APBA2: variants seen among roughly 807,000 people sequenced by gnomAD.
APBA2 encodes the protein amyloid beta precursor protein binding family A member 2.
Under a neutral mutation model 75.0 loss-of-function variants are expected in APBA2, and 30 were observed. The ratio of observed to expected loss-of-function variants is 0.40; its 90% CI spans 0.30 to 0.54. The LOEUF (loss-of-function observed/expected upper bound fraction) is 0.54. Ranked by LOEUF, APBA2 falls within the 20% of genes least tolerant of loss-of-function variation. APBA2 has a pLI of 0.49. For missense variants in APBA2, 801 were observed against 1,016.1 expected (o/e 0.79, Z 2.88); for synonymous variants, 444 against 409.6 (o/e 1.08, Z -1.01).
chr15:29,036,148 C>A (rs918509180), intron 3 of APBA2, among the ~76,000 whole-genome samples: 9 of 152,176 alleles, frequency 5.9e-5, no homozygotes, highest in Non-Finnish European at 1.3e-4. Flanking sequence ...CCCTCACCCC[C>A]CTATGCTTTC....
intron 1 of APBA2, among the ~76,000 whole-genome samples, chr15:28,906,213 G>A (rs865959662): frequency 1.7e-4 from 26 of 152,108 alleles, no homozygotes; most frequent in African/African-American, 6.3e-4. Context: ...TTTACTTTAA[G>A]TTCTGGAATA....
chr15:29,114,439 G>A (rs910831768), intron 14 of APBA2, among the ~76,000 whole-genome samples: 1 of 152,166 alleles, frequency 6.6e-6, no homozygotes, highest in African/African-American at 2.4e-5. Context: ...TCGCTTCCAC[G>A]GCAGTGTGAG....
rs565199625 is a variant in APBA2 at position 28,969,640 on chromosome 15, C to T, written c.-94-26113C>T. 2.6e-3 allele frequency among the ~76,000 whole-genome samples: 401 copies of T among 152,268 alleles called. 2 individuals carry two copies. The highest frequency in any genetic ancestry group is 9.1e-3 in the African/African-American group (377 of 41,560). Reference sequence around the variant, plus strand: ...GACTGTCAGTTCCCGACCCCTCGGCCGAGCAGAAAGGGCTTTGGCAAGGTG... The same window carrying T: ...GACTGTCAGTTCCCGACCCCTCGGCTGAGCAGAAAGGGCTTTGGCAAGGTG... On this transcript the variant is annotated intron_variant, in intron 2 of 14. Transcript: ENST00000683413.
intron 2 of APBA2, among the ~76,000 whole-genome samples, chr15:28,924,629 C>T (rs187114737): frequency 2.8e-4 from 42 of 152,342 alleles, no homozygotes; most frequent in Admixed American, 9.2e-4. Context: ...ATATTGCATT[C>T]TGCAGATACA....
At chr15:29,044,843 G>A (rs1419253646) in intron 3 of APBA2, among the ~76,000 whole-genome samples, 2 of 152,146 alleles carry the variant, frequency 1.3e-5, no homozygotes, top group African/African-American at 4.8e-5. Flanking sequence ...CCATAGACTT[G>A]GTGGCTCCAA....
chr15:28,949,491 C>T (rs970464933), intron 2 of APBA2, among the ~76,000 whole-genome samples: 4 of 152,120 alleles, frequency 2.6e-5, no homozygotes, highest in African/African-American at 2.4e-5. Context: ...TTTTTTGAGA[C>T]AGGGTCTCAC....
At chr15:29,076,950 G>C (rs1233710244) in intron 6 of APBA2, among the ~76,000 whole-genome samples, 1 of 151,672 alleles carries the variant, frequency 6.6e-6, no homozygotes, top group Non-Finnish European at 1.5e-5. Context: ...GTTTGAACCA[G>C]GCTAATCCAG....
chr15:28,893,223 C>G (rs1354771427), intron 1 of APBA2, among the ~76,000 whole-genome samples: 1 of 152,202 alleles, frequency 6.6e-6, no homozygotes, highest in Admixed American at 6.5e-5. Flanking sequence ...CCATTCCTCA[C>G]CAGCCACTGA....
chr15:29,010,182 G>A (rs28505392), intron 3 of APBA2, among the ~76,000 whole-genome samples: 3,951 of 152,210 alleles, frequency 0.026, 171 homozygotes, highest in African/African-American at 0.09. Flanking sequence ...TGTGCTTTTC[G>A]AAACCTTCTC....
At chr15:28,939,461 A>G (rs114387447) in intron 2 of APBA2, among the ~76,000 whole-genome samples, 1,683 of 152,238 alleles carry the variant, frequency 0.011, 44 homozygotes, top group African/African-American at 0.038. Flanking sequence ...ACCCATTTAC[A>G]TTTCTATTAT....
intron 2 of APBA2, among the ~76,000 whole-genome samples, chr15:28,927,714 G>A (rs893000342): frequency 6.6e-6 from 1 of 151,428 alleles, no homozygotes; most frequent in African/African-American, 2.4e-5. Context: ...GGCATGAGCC[G>A]CTGTGCCCGG....
intron 3 of APBA2, among the ~76,000 whole-genome samples, chr15:29,000,142 C>T (rs2152800400): frequency 6.6e-6 from 1 of 152,334 alleles, no homozygotes; most frequent in East Asian, 1.9e-4. Context: ...ACAGACTATC[C>T]AGAAACAGTG....
chr15:29,087,929 CT>C (rs1274580362), intron 6 of APBA2, among the ~76,000 whole-genome samples: 1 of 152,210 alleles, frequency 6.6e-6, no homozygotes, highest in Non-Finnish European at 1.5e-5. Context: ...TTGCTCGCCC[CT>C]CCACTGGCTT....
chr15:29,071,247 A>G (rs2042609457), intron 4 of APBA2: 7 of 364,192 alleles, frequency 1.9e-5, no homozygotes, highest in South Asian at 1.4e-4. Context: ...GGTGTTTATT[A>G]GAAAGATTTA....
intron 9 of APBA2, among the ~76,000 whole-genome samples, chr15:29,098,906 C>T (rs1595961870): frequency 1.3e-5 from 2 of 152,302 alleles, no homozygotes; most frequent in East Asian, 1.9e-4. Context: ...ACACTGCAGC[C>T]CACCACTCCC....
intron 2 of APBA2, among the ~76,000 whole-genome samples, chr15:28,943,647 C>A (rs2035364035): frequency 1.3e-5 from 2 of 152,184 alleles, no homozygotes; most frequent in South Asian, 4.1e-4. Context: ...TCACTCAGCA[C>A]TGAGTACATG....
chr15:29,035,705 G>T (rs1018426405), intron 3 of APBA2, among the ~76,000 whole-genome samples: 1 of 152,130 alleles, frequency 6.6e-6, no homozygotes, highest in East Asian at 1.9e-4. Context: ...TCTCCGTGAC[G>T]TGCGGGCCCT....
At chr15:28,914,621 G>A (rs2033581404) in intron 1 of APBA2, among the ~76,000 whole-genome samples, 1 of 152,010 alleles carries the variant, frequency 6.6e-6, no homozygotes, top group East Asian at 1.9e-4. Context: ...CAGCCCATAA[G>A]GGACTGGTCC....
chr15:28,926,088 G>C (rs1209856157), intron 2 of APBA2, among the ~76,000 whole-genome samples: 3 of 152,082 alleles, frequency 2.0e-5, no homozygotes, highest in Non-Finnish European at 2.9e-5. Flanking sequence ...TAGATATCTT[G>C]TAGATAGCAT....
Sources: gnomAD v4.1 joint callset for allele counts (sites outside exome capture counted in the v4.1 genomes callset) on GRCh38, gnomAD v4.1.1 for gene constraint, MANE v1.5 for transcripts, NCBI Gene and HGNC (gene_info 2026-07-23, HGNC 2026-07-21) for gene names.